SFI1: variants seen among roughly 807,000 people sequenced by gnomAD.
The protein encoded by SFI1 is SFI1 centrin binding protein.
In SFI1, 195 loss-of-function variants were observed where a neutral mutation model predicts 207.5. That is an observed-to-expected ratio of 0.94 (90% CI 0.84 to 1.06). SFI1 has a LOEUF of 1.06. SFI1 is among the 50% of genes least tolerant of loss of function. The pLI is 0.00. For synonymous variants in SFI1, 630 were observed against 598.9 expected (o/e 1.05, Z -0.76); for missense variants, 1,634 against 1,588.0 (o/e 1.03, Z -0.49).
chr22:31,576,696 A>G (rs1320226032), intron 10 of SFI1, among the ~76,000 whole-genome samples: 4 of 146,808 alleles, frequency 2.7e-5, no homozygotes, highest in African/African-American at 1.0e-4. Context: ...CTGGAGTGCA[A>G]TGGCCCAATC....
intron 20 of SFI1, 125 bp from the exon 21 acceptor site, chr22:31,606,203 C>G: frequency 1.3e-6 from 1 of 798,414 alleles, no homozygotes; most frequent in Non-Finnish European, 2.0e-6. Flanking sequence ...GTTGGTGAAA[C>G]AGACATTCTT....
chr22:31,599,824 TGAAAAC>T (rs1239507780), intron 15 of SFI1, among the ~76,000 whole-genome samples: 5 of 152,024 alleles, frequency 3.3e-5, no homozygotes, highest in African/African-American at 9.6e-5. Flanking sequence ...TGCAAGAACA[TGAAAAC>T]AATAAAATTC....
chr22:31,574,515 G>A (rs1248176558), intron 9 of SFI1, among the ~76,000 whole-genome samples: 1 of 152,236 alleles, frequency 6.6e-6, no homozygotes, highest in Non-Finnish European at 1.5e-5. Flanking sequence ...CGTGGCAACT[G>A]AATTTTATGT....
intron 1 of SFI1, among the ~76,000 whole-genome samples, chr22:31,503,775 G>T (rs1175097911): frequency 6.8e-6 from 1 of 147,610 alleles, no homozygotes; most frequent in Non-Finnish European, 1.5e-5. Flanking sequence ...TTTAAGTAGA[G>T]ACAGGGTTTC....
intron 1 of SFI1, among the ~76,000 whole-genome samples, chr22:31,504,373 C>A (rs5749286): frequency 0.22 from 33,058 of 152,018 alleles, 4,599 homozygotes; most frequent in East Asian, 0.44. Flanking sequence ...AAGGATTATT[C>A]GTTTTGTATG....
intron 15 of SFI1, among the ~76,000 whole-genome samples, chr22:31,596,208 G>A (rs2067084493): frequency 6.6e-6 from 1 of 152,144 alleles, no homozygotes; most frequent in South Asian, 2.1e-4. Context: ...AGTTGAGATG[G>A]CGCCACTGCA....
At chr22:31,551,566 G>A (rs1349259342) in intron 6 of SFI1, among the ~76,000 whole-genome samples, 1 of 152,072 alleles carries the variant, frequency 6.6e-6, no homozygotes, top group Non-Finnish European at 1.5e-5. Flanking sequence ...TCAGTTCTAA[G>A]ACTTTGATAC....
intron 14 of SFI1, among the ~76,000 whole-genome samples, chr22:31,586,535 C>T (rs1225549843): frequency 6.6e-6 from 1 of 152,230 alleles, no homozygotes; most frequent in Admixed American, 6.5e-5. Context: ...TTTTGCGTCA[C>T]TCTTGCCTCC....
intron 4 of SFI1, among the ~76,000 whole-genome samples, chr22:31,535,143 A>G (rs946707543): frequency 1.3e-5 from 2 of 149,226 alleles, no homozygotes; most frequent in African/African-American, 2.5e-5. Context: ...CCGGGATTAC[A>G]GGCATGAGCC....
rs552901030 is a variant in SFI1 at position 31,504,803 on chromosome 22, A to G, written c.-30-3452A>G. On this transcript the variant is annotated intron_variant, in intron 1 of 32. Transcript: ENST00000400288. ...CTCTAGTCTCTGCCTCTGTCATCACATTGCATTCTCCTCTTTATGTGTATC... is the reference window on the plus strand; with the variant it reads ...CTCTAGTCTCTGCCTCTGTCATCACGTTGCATTCTCCTCTTTATGTGTATC... Among the ~76,000 whole-genome samples the G allele has an allele frequency of 3.0e-3, 451 of 152,190 alleles. 1 individual carries two copies. The highest frequency in any genetic ancestry group is 4.8e-3 in the Non-Finnish European group (325 of 68,020).
chr22:31,578,967 G>T (rs940041991), intron 11 of SFI1, among the ~76,000 whole-genome samples: 1 of 152,142 alleles, frequency 6.6e-6, no homozygotes, highest in Non-Finnish European at 1.5e-5. Context: ...GGGCAAATCA[G>T]CTTTGCTTAG....
rs2052684518 is a variant in SFI1 at position 31,496,622 on chromosome 22, G to T, written c.-46G>T. On this transcript the variant is annotated 5_prime_UTR_variant, in exon 1 of 33. It removes an upstream start codon present in the reference 5' UTR. Coordinates refer to ENST00000400288, the MANE Select transcript of SFI1 (RefSeq NM_001007467.3). ...GTTTTCTCCCAACGTCAGGCCCGAT[G>T]GCTCGGCTTCCCCAGGTACGAGGCC... 6.6e-6 allele frequency: 1 copy of T among 152,310 alleles called. No homozygotes were observed. The highest frequency in any genetic ancestry group is 2.4e-5 in the African/African-American group (1 of 41,472). The allele number at this position is 152,310 out of a possible 1,614,324, so 9.4% of individuals were successfully genotyped here. A position where few individuals can be genotyped will look rare whatever the true frequency, so the allele number is the denominator to read the frequency against.
intron 7 of SFI1, among the ~76,000 whole-genome samples, chr22:31,560,808 TCTC>T (rs1210763656): frequency 6.6e-6 from 1 of 151,756 alleles, no homozygotes; most frequent in Non-Finnish European, 1.5e-5. Flanking sequence ...TTCAAGCTAT[TCTC>T]CTGCCTCAGC....
At chr22:31,559,097 G>A (rs544533964) in intron 7 of SFI1, among the ~76,000 whole-genome samples, 17 of 151,700 alleles carry the variant, frequency 1.1e-4, no homozygotes, top group Admixed American at 4.6e-4. Flanking sequence ...ATGAGCCACC[G>A]GGCCCAGCCT....
At chr22:31,539,760 G>C (rs1408610925) in intron 4 of SFI1, among the ~76,000 whole-genome samples, 1 of 151,616 alleles carries the variant, frequency 6.6e-6, no homozygotes, top group Non-Finnish European at 1.5e-5. Context: ...CTCTTGCCTA[G>C]GCTAGAGTGC....
At chr22:31,551,407 T>G (rs62237764) in intron 6 of SFI1, among the ~76,000 whole-genome samples, 6,806 of 152,310 alleles carry the variant, frequency 0.045, 136 homozygotes, top group Non-Finnish European at 0.05. Context: ...CCCAGTGATC[T>G]TTCCCCTGTC....
At chr22:31,499,342 G>A (rs1256611514) in intron 1 of SFI1, among the ~76,000 whole-genome samples, 3 of 152,056 alleles carry the variant, frequency 2.0e-5, no homozygotes, top group Non-Finnish European at 4.4e-5. Flanking sequence ...TTACAGGCAT[G>A]TGTCACCACG....
chr22:31,582,916 A>G (rs1412135115), intron 12 of SFI1, among the ~76,000 whole-genome samples: 3 of 152,090 alleles, frequency 2.0e-5, no homozygotes, highest in African/African-American at 7.2e-5. Context: ...TATACAATTT[A>G]TTTATTATTA....
At chr22:31,591,485 C>T (rs1046297464) in intron 15 of SFI1, among the ~76,000 whole-genome samples, 3 of 151,924 alleles carry the variant, frequency 2.0e-5, no homozygotes, top group Non-Finnish European at 2.9e-5. Context: ...CTATTGGGCA[C>T]ACCTCCCAGA....
Sources: allele counts gnomAD v4.1 joint callset (sites outside exome capture counted in the v4.1 genomes callset), GRCh38; gene constraint gnomAD v4.1.1; transcripts MANE v1.5; gene names NCBI Gene and HGNC (gene_info 2026-07-23, HGNC 2026-07-21).